The following PF4 variants were observed in gnomAD, a reference collection of about 807,000 sequenced individuals.
PF4 encodes the protein platelet factor 4.
A neutral mutation model predicts 6.9 loss-of-function variants in PF4; 8 were observed. That is an observed-to-expected ratio of 1.16 (90% CI 0.68 to 2.09). The LOEUF is 2.09. Ranked by LOEUF, PF4 falls within the 30% of genes most tolerant of loss-of-function variation. The pLI, the probability that PF4 is intolerant of heterozygous loss-of-function variation, is 0.00. For missense variants in PF4, 111 were observed against 122.9 expected (o/e 0.90, Z 0.46); for synonymous variants, 55 against 56.5 (o/e 0.97, Z 0.12).
In PF4 at chr4:73,980,939, C is replaced by G. The variant is rs1424586109; in HGVS notation, c.*265G>C. 6.8e-6 allele frequency: 3 copies of G among 439,900 alleles called. No homozygotes were observed. Among genetic ancestry groups the G allele is most frequent in the Non-Finnish European group, 1.2e-5 (3 of 245,362 alleles). 27.2% of individuals were successfully genotyped at this position (439,900 alleles called of 1,614,324 possible). ...AATATGTATCAGCCAACATGTAACA[C>G]CAAGCATAACCAGTATTCACACCTT... On this transcript the variant is annotated 3_prime_UTR_variant, in exon 3 of 3. Coordinates refer to ENST00000296029, the MANE Select transcript of PF4 (RefSeq NM_002619.4).
rs1031464415 is a variant in PF4 at position 73,980,893 on chromosome 4, C to T, written c.*311G>A. On this transcript the variant is annotated 3_prime_UTR_variant, in exon 3 of 3. Coordinates refer to ENST00000296029, the MANE Select transcript of PF4 (RefSeq NM_002619.4). ...AAGGTAAATATGTAGCTATAAAGTA[C>T]TGCAATCATGTAAATGCATGAATAT... 3.3e-5 allele frequency among the ~76,000 whole-genome samples: 5 copies of T among 152,200 alleles called. No individual in the cohort carries two copies. The highest frequency in any genetic ancestry group is 3.3e-4 in the Admixed American group (5 of 15,278).
At position 73,981,475 on chromosome 4, in the gene PF4, G is replaced by T. The variant is rs753842279; in HGVS notation, c.160C>A (p.His54Asn). ...VKTTSQVRPR[H>N]ITSLEVIKAG... ...TTGATCACCTCCAGGCTGGTGATGT[G>T]CCTGGGACGGACCTGGGAGGTGGTC... Residue 54 changes from histidine (H) to asparagine (N), a missense_variant, in exon 2 of 3, where the codon CAC becomes AAC. His to Asn is a moderately conservative substitution (Grantham distance 68, BLOSUM62 1). Transcript: ENST00000296029. 4 of 1,614,090 alleles carry T rather than the reference G, an allele frequency of 2.5e-6. No homozygotes were observed. In the East Asian group the frequency reaches 8.9e-5, roughly 36 times the overall value.
At chr4:73,981,729 G>T in intron 1 of PF4, 134 bp downstream of exon 1, 1 of 1,474,902 alleles carries the variant, frequency 6.8e-7, no homozygotes, top group Admixed American at 2.4e-5. Flanking sequence ...GCCTGGCACT[G>T]TGGCCAGACA....
Position 73,981,311 on chromosome 4 carries a change from A to G in PF4, c.219-20T>C, listed in dbSNP as rs752336675. 5 of 1,614,000 alleles carry G rather than the reference A, an allele frequency of 3.1e-6. No homozygotes were observed. The highest frequency in any genetic ancestry group is 1.6e-4 in the Middle Eastern group (1 of 6,084). ...GTGGCTCTGGCAGGGAAAAGAGAAGAGATGTGACTTTCAGTCCTTGGGTTT... is the reference window on the plus strand; with the variant it reads ...GTGGCTCTGGCAGGGAAAAGAGAAGGGATGTGACTTTCAGTCCTTGGGTTT... On this transcript the variant is annotated intron_variant, in intron 2 of 2. Transcript: ENST00000296029.
rs11574452 is a variant in PF4 at position 73,980,944 on chromosome 4, C to A, written c.*260G>T. 0.05 allele frequency: 22,964 copies of A among 461,744 alleles called. 840 individuals are homozygous for A. Among genetic ancestry groups the A allele is most frequent in the East Asian group, 0.13 (3,229 of 25,464 alleles). The allele number at this position is 461,744 out of a possible 1,614,324, so 28.6% of individuals were successfully genotyped here. On this transcript the variant is annotated 3_prime_UTR_variant, in exon 3 of 3. Coordinates refer to ENST00000296029, the MANE Select transcript of PF4 (RefSeq NM_002619.4). The stretch of plus-strand genomic sequence containing the variant: ...GTATCAGCCAACATGTAACACCAAG[C>A]ATAACCAGTATTCACACCTTCCTTC...
chr4:73,981,786 G>T (rs1428400313), intron 1 of PF4, 77 bp downstream of exon 1: 1 of 1,521,588 alleles, frequency 6.6e-7, no homozygotes, highest in Admixed American at 2.1e-5. Flanking sequence ...GATCCTAGAG[G>T]ATTCCTCCCC....
At position 73,981,938 on chromosome 4, in the gene PF4, C is replaced by CGGCTG; in HGVS notation, c.11_15dup (p.Gly6GlnfsTer41). ...AGCCCGGGGCGTGAGGCGCAGAACC[C>CGGCTG]GGCTGCGGAGCTCATGCTGCGGCAG... On this transcript the variant is annotated frameshift_variant, in exon 1 of 3. Transcript: ENST00000296029. LOFTEE classifies it high-confidence loss of function. The CGGCTG allele has an allele frequency of 6.4e-7, 1 of 1,550,862 alleles. No homozygotes were observed. Among genetic ancestry groups the CGGCTG allele is most frequent in the Non-Finnish European group, 8.7e-7 (1 of 1,146,824 alleles).
Position 73,981,395 on chromosome 4 carries a change from CAG to C in PF4, c.218+20_218+21del. 1 of 1,614,124 alleles carries C rather than the reference CAG, an allele frequency of 6.2e-7. No homozygotes were observed. The highest frequency in any genetic ancestry group is 2.2e-5 in the East Asian group (1 of 44,872). ...AGGAGGCACGGAGCGGGAGCACTGA[CAG>C]ATGCAGTGCAAGGACTCACATCAGT... is the stretch of plus-strand genomic sequence containing the variant. On this transcript the variant is annotated intron_variant, in intron 2 of 2. Transcript: ENST00000296029.
chr4:73,981,924 T>G lies in PF4; in HGVS notation c.30A>C (p.Ser10=). 6.5e-7 allele frequency: 1 copy of G among 1,549,704 alleles called. No homozygotes were observed. Among genetic ancestry groups the G allele is most frequent in the Non-Finnish European group, 8.7e-7 (1 of 1,146,560 alleles). The change falls in exon 1 of 3, where the codon TCA becomes TCC. Residue 10 remains serine (S), a synonymous_variant. Coordinates refer to ENST00000296029, the MANE Select transcript of PF4 (RefSeq NM_002619.4). The part of the protein sequence containing the change: MSSAAGFCA[S]RPGLLFLGLL... ...ACCCCAGGAACAGCAGCCCGGGGCGTGAGGCGCAGAACCCGGCTGCGGAGC... is the reference window on the plus strand; with the variant it reads ...ACCCCAGGAACAGCAGCCCGGGGCGGGAGGCGCAGAACCCGGCTGCGGAGC...
At position 73,980,951 on chromosome 4, in the gene PF4, A is replaced by G. The variant is rs1718762008; in HGVS notation, c.*253T>C. ...CCAACATGTAACACCAAGCATAACC[A>G]GTATTCACACCTTCCTTCAAAATAC... is the stretch of plus-strand genomic sequence containing the variant. On this transcript the variant is annotated 3_prime_UTR_variant, in exon 3 of 3. Transcript: ENST00000296029. The G allele has an allele frequency of 1.0e-5, 5 of 480,960 alleles. No individual in the cohort carries two copies. The highest frequency in any genetic ancestry group is 5.2e-5 in the South Asian group (2 of 38,172). 29.8% of individuals were successfully genotyped at this position (480,960 alleles called of 1,614,324 possible). A position where few individuals can be genotyped will look rare whatever the true frequency, so the allele number is the denominator to read the frequency against.
intron 2 of PF4, 25 bp from the exon 3 acceptor site, chr4:73,981,316 T>C: frequency 6.2e-7 from 1 of 1,614,144 alleles, no homozygotes; most frequent in South Asian, 1.1e-5. Flanking sequence ...AGAAGAGATG[T>C]GACTTTCAGT....
At position 73,982,025 on chromosome 4, in the gene PF4, A is replaced by G; in HGVS notation, c.-72T>C. On this transcript the variant is annotated 5_prime_UTR_variant, in exon 1 of 3. Transcript: ENST00000296029. ...AAACTCGGGCTGGGTCTCTGTGGCC[A>G]ATGACTCCTGAGCCTCGCCGGCACG... 18 of 1,288,700 alleles carry G rather than the reference A, an allele frequency of 1.4e-5. No homozygotes were observed. Among genetic ancestry groups the G allele is most frequent in the Non-Finnish European group, 2.0e-5 (18 of 912,892 alleles). 79.8% of individuals were successfully genotyped at this position (1,288,700 alleles called of 1,614,324 possible).
At chr4:73,982,049 C>T, upstream of PF4, 3 of 993,336 alleles carry the variant, frequency 3.0e-6, no homozygotes, top group Non-Finnish European at 4.5e-6. Context: ...CTCGCCGGCA[C>T]GTTTTATTCC....
chr4:73,981,159 AG>A lies in PF4; in HGVS notation c.*44del, dbSNP rs751821210. The A allele has an allele frequency of 3.9e-6, 5 of 1,296,636 alleles. No homozygotes were observed. The African/African-American group carries it at 5.8e-5, about 15-fold the overall frequency. 80.3% of individuals were successfully genotyped at this position (1,296,636 alleles called of 1,614,324 possible). ...CACAGTTAGATTGAAACTGGAAAAA[AG>A]AAGTATGCTATATAGCAAATGCACA... On this transcript the variant is annotated 3_prime_UTR_variant, in exon 3 of 3. Coordinates refer to ENST00000296029, the MANE Select transcript of PF4 (RefSeq NM_002619.4).
At chr4:73,981,719 G>T (rs935575125) in intron 1 of PF4, 144 bp downstream of exon 1, 5 of 1,475,090 alleles carry the variant, frequency 3.4e-6, no homozygotes, top group Non-Finnish European at 4.5e-6. Context: ...CAGGTGCAGC[G>T]CCTGGCACTG....
chr4:73,980,972 A>C lies in PF4; in HGVS notation c.*232T>G. On this transcript the variant is annotated 3_prime_UTR_variant, in exon 3 of 3. Transcript: ENST00000296029. ...AACCAGTATTCACACCTTCCTTCAA[A>C]ATACTTTTTGCTTAAAATACCGGAA... 1 of 528,394 alleles carries C rather than the reference A, an allele frequency of 1.9e-6. No homozygotes were observed. The highest frequency in any genetic ancestry group is 2.4e-5 in the South Asian group (1 of 42,242). The allele number at this position is 528,394 out of a possible 1,614,324, so 32.7% of individuals were successfully genotyped here.
rs1718762278 is a variant in PF4 at position 73,980,954 on chromosome 4, A to G, written c.*250T>C. ...ACATGTAACACCAAGCATAACCAGTATTCACACCTTCCTTCAAAATACTTT... is the reference window on the plus strand; with the variant it reads ...ACATGTAACACCAAGCATAACCAGTGTTCACACCTTCCTTCAAAATACTTT... On this transcript the variant is annotated 3_prime_UTR_variant, in exon 3 of 3. Transcript: ENST00000296029. 8.1e-6 allele frequency: 4 copies of G among 496,292 alleles called. No homozygotes were observed. The allele number at this position is 496,292 out of a possible 1,614,324, so 30.7% of individuals were successfully genotyped here.
chr4:73,981,602 G>A (rs1230726362), intron 1 of PF4, 59 bp from the exon 2 acceptor site: 9 of 1,560,754 alleles, frequency 5.8e-6, no homozygotes, highest in Admixed American at 1.9e-5. Flanking sequence ...GACTCCATGA[G>A]TAGCCAGAGG....
chr4:73,981,912 C>T lies in PF4; in HGVS notation c.42G>A (p.Leu14=), dbSNP rs1250138496. 1 of 1,551,112 alleles carries T rather than the reference C, an allele frequency of 6.4e-7. No homozygotes were observed. Among genetic ancestry groups the T allele is most frequent in the Non-Finnish European group, 8.7e-7 (1 of 1,146,902 alleles). The change falls in exon 1 of 3, where the codon CTG becomes CTA. Residue 14 remains leucine, a synonymous_variant. Coordinates refer to ENST00000296029, the MANE Select transcript of PF4 (RefSeq NM_002619.4). ...AAGFCASRPG[L]LFLGLLLLPL... ...GCAGGAGCAGCAACCCCAGGAACAG[C>T]AGCCCGGGGCGTGAGGCGCAGAACC...
Sources: gnomAD v4.1 joint callset for allele counts (sites outside exome capture counted in the v4.1 genomes callset) on GRCh38, gnomAD v4.1.1 for gene constraint, MANE v1.5 for transcripts, NCBI Gene and HGNC (gene_info 2026-07-23, HGNC 2026-07-21) for gene names.